The following FAAH2 variants were observed in gnomAD, a reference collection of about 807,000 sequenced individuals.
The protein encoded by FAAH2 is fatty acid amide hydrolase 2.
Under a neutral mutation model 36.9 loss-of-function variants are expected in FAAH2, and 60 were observed. That is an observed-to-expected ratio of 1.63 (90% CI 1.32 to 2.02). The LOEUF is 2.02. Ranked by LOEUF, FAAH2 falls within the 30% of genes most tolerant of loss-of-function variation. FAAH2 has a pLI of 0.00. For synonymous variants in FAAH2, 214 were observed against 143.8 expected (o/e 1.49, Z -3.49); for missense variants, 689 against 397.5 (o/e 1.73, Z -6.23).
At chrX:57,302,410 G>T (rs1410450001) in intron 2 of FAAH2, among the ~76,000 whole-genome samples, 1 of 111,726 alleles carries the variant, frequency 9.0e-6, no homozygotes, top group Non-Finnish European at 1.9e-5. Context: ...CTGGTAGCAT[G>T]CTAGGTGTTG....
chrX:57,256,304 C>A, the FAAH2 span, among the ~76,000 whole-genome samples: 2 of 111,725 alleles, frequency 1.8e-5, no homozygotes, highest in Non-Finnish European at 3.8e-5. Flanking sequence ...ATTCCATGCT[C>A]ATGGATAGAA....
chrX:57,196,615 A>T, the FAAH2 span, among the ~76,000 whole-genome samples: 1 of 111,945 alleles, frequency 8.9e-6, no homozygotes, highest in South Asian at 3.7e-4. Context: ...AAAAGTGGTG[A>T]AAGTGGACAT....
intron 10 of FAAH2, among the ~76,000 whole-genome samples, chrX:57,477,069 G>A (rs997752714): frequency 2.7e-5 from 3 of 109,652 alleles, no homozygotes; most frequent in Non-Finnish European, 5.7e-5. Flanking sequence ...TTTTTATTAT[G>A]TCTATTTGTT....
At chrX:57,168,261 C>T in the FAAH2 span, among the ~76,000 whole-genome samples, 1 of 109,600 alleles carries the variant, frequency 9.1e-6, no homozygotes, top group Non-Finnish European at 1.9e-5. Flanking sequence ...TCCAAGGATC[C>T]CTGGTTTCTT....
chrX:57,329,538 G>A (rs1247312655), intron 3 of FAAH2, among the ~76,000 whole-genome samples: 1 of 109,947 alleles, frequency 9.1e-6, no homozygotes, highest in East Asian at 2.9e-4. Flanking sequence ...GCAGTGGGGG[G>A]AAGAGGTAGG....
chrX:57,369,130 A>T (rs1273377634), intron 5 of FAAH2, among the ~76,000 whole-genome samples: 2 of 107,885 alleles, frequency 1.9e-5, no homozygotes, highest in African/African-American at 3.4e-5. Flanking sequence ...AGAAGAAAGA[A>T]TTTTTAAACT....
intron 3 of FAAH2, among the ~76,000 whole-genome samples, chrX:57,314,726 C>A (rs1241751234): frequency 3.6e-5 from 4 of 110,614 alleles, no homozygotes; most frequent in Non-Finnish European, 7.6e-5. Context: ...CAAAAAAAAT[C>A]TCTAAAATTA....
intron 4 of FAAH2, among the ~76,000 whole-genome samples, chrX:57,339,154 G>A (rs1182108476): frequency 1.8e-5 from 2 of 111,711 alleles, no homozygotes; most frequent in Non-Finnish European, 3.8e-5. Flanking sequence ...ACAAAAACAA[G>A]CAATGGGGAA....
chrX:57,480,935 T>A (rs1242768550), intron 10 of FAAH2, among the ~76,000 whole-genome samples: 1 of 110,058 alleles, frequency 9.1e-6, no homozygotes, highest in Non-Finnish European at 1.9e-5. Context: ...TTGTTTTTTT[T>A]TCCTTTTCAC....
the FAAH2 span, among the ~76,000 whole-genome samples, chrX:57,211,759 C>T: frequency 8.9e-6 from 1 of 111,743 alleles, no homozygotes; most frequent in East Asian, 2.8e-4. Flanking sequence ...CTCACCCATG[C>T]AGGACATTAT....
the FAAH2 span, among the ~76,000 whole-genome samples, chrX:57,239,234 C>G: frequency 9.0e-6 from 1 of 111,065 alleles, no homozygotes; most frequent in South Asian, 3.7e-4. Flanking sequence ...GTCCAGGGCT[C>G]TTTCTGGTTG....
chrX:57,388,184 T>A (rs1407110236), intron 7 of FAAH2, among the ~76,000 whole-genome samples: 1 of 111,501 alleles, frequency 9.0e-6, no homozygotes, highest in Non-Finnish European at 1.9e-5. Context: ...TTTAAATATT[T>A]CTCTAAAGTT....
the FAAH2 span, among the ~76,000 whole-genome samples, chrX:57,162,409 T>C: frequency 3.6e-5 from 4 of 111,735 alleles, no homozygotes; most frequent in Non-Finnish European, 5.6e-5. Flanking sequence ...TGTTGGCCTG[T>C]CTTGCTAGAT....
At chrX:57,476,306 C>A (rs986377539) in intron 10 of FAAH2, among the ~76,000 whole-genome samples, 2 of 110,807 alleles carry the variant, frequency 1.8e-5, no homozygotes, top group African/African-American at 6.6e-5. Flanking sequence ...CAGCTTTTAC[C>A]CATTCAGTAT....
the FAAH2 span, among the ~76,000 whole-genome samples, chrX:57,247,622 G>A: frequency 9.0e-6 from 1 of 111,445 alleles, no homozygotes. Context: ...GTACAATGTG[G>A]TCTTCATCTG....
chrX:57,349,932 A>C (rs187865702), intron 5 of FAAH2, among the ~76,000 whole-genome samples: 3 of 110,684 alleles, frequency 2.7e-5, no homozygotes, highest in African/African-American at 9.8e-5. Context: ...TAGAATACAA[A>C]AAATCTTCGT....
chrX:57,237,018 G>A, the FAAH2 span, among the ~76,000 whole-genome samples: 1 of 111,453 alleles, frequency 9.0e-6, no homozygotes, highest in Non-Finnish European at 1.9e-5. Flanking sequence ...AATCTATTTT[G>A]AAATGATGTT....
chrX:57,237,724 A>G, the FAAH2 span, among the ~76,000 whole-genome samples: 1 of 111,562 alleles, frequency 9.0e-6, no homozygotes, highest in African/African-American at 3.2e-5. Flanking sequence ...CTAAAGAATG[A>G]AATAAATTTT....
chrX:57,443,003 T>C (rs1388302115), intron 8 of FAAH2, among the ~76,000 whole-genome samples: 2 of 111,988 alleles, frequency 1.8e-5, no homozygotes, highest in Non-Finnish European at 3.8e-5. Flanking sequence ...GGGCTTCCCT[T>C]TGTGGGTAAC....
Sources: allele counts gnomAD v4.1 joint callset (sites outside exome capture counted in the v4.1 genomes callset), GRCh38; gene constraint gnomAD v4.1.1; transcripts MANE v1.5; gene names NCBI Gene and HGNC (gene_info 2026-07-23, HGNC 2026-07-21).